Variants in COL4A3 observed in about 807,000 individuals in gnomAD.
COL4A3 encodes collagen type IV alpha 3 chain.
COL4A3 carries 135 observed loss-of-function variants against 217.4 expected under a neutral mutation model. The ratio of observed to expected loss-of-function variants is 0.62; its 90% confidence interval spans 0.54 to 0.72. COL4A3 has a LOEUF of 0.72. Ranked by LOEUF, COL4A3 falls within the 30% of genes least tolerant of loss-of-function variation. The pLI is 0.00. For synonymous variants in COL4A3, 690 were observed against 736.3 expected (o/e 0.94, Z 1.02); for missense variants, 1,868 against 2,119.9 (o/e 0.88, Z 2.33).
chr2:227,206,048 G>A (rs1371530358), intron 1 of COL4A3, among the ~76,000 whole-genome samples: 1 of 151,872 alleles, frequency 6.6e-6, no homozygotes, highest in East Asian at 1.9e-4. Context: ...GTGTAGCCTG[G>A]GCATTAGGGT....
chr2:227,257,022 T>C (rs2070223986), intron 17 of COL4A3, among the ~76,000 whole-genome samples: 1 of 152,126 alleles, frequency 6.6e-6, no homozygotes, highest in African/African-American at 2.4e-5. Context: ...AACACAAAGG[T>C]GGGTATTTGT....
chr2:227,293,969 C>T lies in COL4A3; in HGVS notation c.3338-521C>T, dbSNP rs923225711. 21 of 335,400 alleles carry T rather than the reference C, an allele frequency of 6.3e-5. 1 individual carries two copies. The highest frequency in any genetic ancestry group is 2.1e-3 in the Middle Eastern group (2 of 966). 20.8% of individuals were successfully genotyped at this position (335,400 alleles called of 1,614,324 possible). A position where few individuals can be genotyped will look rare whatever the true frequency, so the allele number is the denominator to read the frequency against. On this transcript the variant is annotated intron_variant, in intron 38 of 51. Transcript: ENST00000396578. ...TATCCCCAAATACAGAGTCATGTTC[C>T]GAAGTACTGAAGGTTAGGACTTCAG...
chr2:227,251,440 C>G, intron 11 of COL4A3, 69 bp downstream of exon 11: 1 of 1,471,258 alleles, frequency 6.8e-7, no homozygotes. Flanking sequence ...ACCTGGTCTG[C>G]TTCTTCATGT....
intron 17 of COL4A3, 131 bp from the exon 18 acceptor site, chr2:227,257,470 CTT>C: frequency 2.6e-6 from 2 of 767,046 alleles, no homozygotes; most frequent in Admixed American, 2.0e-5. Context: ...GTCAGTGTCT[CTT>C]TAACTTTAAT....
At position 227,191,170 on chromosome 2, in the gene COL4A3, G is replaced by A. The variant is rs2066226107; in HGVS notation, c.87+26357G>A. Among the ~76,000 whole-genome samples, 1 of 151,822 alleles carries A rather than the reference G, an allele frequency of 6.6e-6. No individual in the cohort carries two copies. Among genetic ancestry groups the A allele is most frequent in the Non-Finnish European group, 1.5e-5 (1 of 67,970 alleles). On this transcript the variant is annotated intron_variant, in intron 1 of 51. Transcript: ENST00000396578. This position sits in a 1 kb window ranked among gnomAD's most constrained non-coding sequence, Gnocchi z 6.8. ...TTTTCTCAACCACTTTGCTCTTTTT[G>A]GATACTTGGGGAATAACAAAATTTT...
chr2:227,180,506 G>A (rs964480710), intron 1 of COL4A3, among the ~76,000 whole-genome samples: 1 of 152,188 alleles, frequency 6.6e-6, no homozygotes, highest in Admixed American at 6.5e-5. Context: ...TACAAGGGCA[G>A]TCATGCAGGC....
chr2:227,199,646 A>T (rs1283367870), intron 1 of COL4A3, among the ~76,000 whole-genome samples: 1 of 152,166 alleles, frequency 6.6e-6, no homozygotes, highest in East Asian at 1.9e-4. Context: ...CATAACCCAC[A>T]GGCATCGGAA....
intron 1 of COL4A3, among the ~76,000 whole-genome samples, chr2:227,171,849 C>A (rs1028246013): frequency 6.6e-6 from 1 of 152,134 alleles, no homozygotes; most frequent in Admixed American, 6.5e-5. Context: ...GAGGGCCAAG[C>A]GGGCAACTTG....
intron 1 of COL4A3, among the ~76,000 whole-genome samples, chr2:227,167,684 A>G (rs983505110): frequency 4.6e-5 from 7 of 152,224 alleles, no homozygotes; most frequent in African/African-American, 7.2e-5. Flanking sequence ...AAATTTAAGC[A>G]CTTTCAGTTA....
intron 1 of COL4A3, among the ~76,000 whole-genome samples, chr2:227,178,319 G>T (rs940215368): frequency 6.6e-6 from 1 of 152,038 alleles, no homozygotes; most frequent in African/African-American, 2.4e-5. Flanking sequence ...CAGAGTGGAG[G>T]CTACAGCGAG....
intron 1 of COL4A3, among the ~76,000 whole-genome samples, chr2:227,188,152 A>G (rs1285384644): frequency 6.6e-6 from 1 of 152,186 alleles, no homozygotes; most frequent in East Asian, 1.9e-4. Context: ...GTAGAAAAGT[A>G]TGTTAAACCC....
intron 4 of COL4A3, among the ~76,000 whole-genome samples, 183 bp downstream of exon 4, chr2:227,244,547 A>G (rs565959532): frequency 6.6e-6 from 1 of 152,216 alleles, no homozygotes; most frequent in Non-Finnish European, 1.5e-5. Flanking sequence ...CAAGTGTTAA[A>G]CTGACCAAGA....
chr2:227,237,315 G>T (rs1385745974), intron 1 of COL4A3, among the ~76,000 whole-genome samples: 2 of 152,138 alleles, frequency 1.3e-5, no homozygotes, highest in Non-Finnish European at 2.9e-5. Flanking sequence ...TTAAGTCAAA[G>T]AAAACCTTAA....
intron 43 of COL4A3, 86 bp from the exon 44 acceptor site, chr2:227,302,952 A>G (rs1381901279): frequency 4.9e-6 from 4 of 813,510 alleles, no homozygotes; most frequent in Non-Finnish European, 8.7e-6. Flanking sequence ...ATAATATTAT[A>G]CCCTATTTGC....
chr2:227,262,523 G>C (rs2070650509), intron 20 of COL4A3, among the ~76,000 whole-genome samples: 1 of 152,166 alleles, frequency 6.6e-6, no homozygotes, highest in Admixed American at 6.5e-5. Flanking sequence ...CCATGAGCAT[G>C]GGATGTCTTT....
In COL4A3 at chr2:227,244,334, T is replaced by G. The variant is rs1409899436; in HGVS notation, c.249T>G (p.Leu83=). The G allele has an allele frequency of 1.2e-6, 2 of 1,613,972 alleles. No individual in the cohort carries two copies. Among genetic ancestry groups the G allele is most frequent in the South Asian group, 2.2e-5 (2 of 91,064 alleles). Residue 83 remains leucine, a synonymous_variant, in exon 4 of 52, where the codon CTT becomes CTG. Transcript: ENST00000396578. ...CTTGAATCTAGGGCTTTCCAGGACT[T>G]CCAGGACTCACGGGTTCCAAAGGTG... ...GPQGPKGFPG[L]PGLTGSKGVR...
At chr2:227,261,363 A>G (rs957469039) in intron 20 of COL4A3, among the ~76,000 whole-genome samples, 8 of 152,154 alleles carry the variant, frequency 5.3e-5, no homozygotes, top group Non-Finnish European at 7.3e-5. Flanking sequence ...CGTCTCTACT[A>G]AAAATACAAA....
chr2:227,249,220 A>ATTTTTTTTT, intron 9 of COL4A3, among the ~76,000 whole-genome samples: 2 of 24,802 alleles, frequency 8.1e-5, no homozygotes, highest in Non-Finnish European at 1.9e-4. Flanking sequence ...TAGTATATAT[A>ATTTTTTTTT]TATATATATA....
intron 43 of COL4A3, 100 bp from the exon 44 acceptor site, chr2:227,302,938 C>A: frequency 1.3e-6 from 1 of 763,338 alleles, no homozygotes; most frequent in Non-Finnish European, 2.3e-6. Flanking sequence ...TATTCTCACC[C>A]AACATAATAT....
Sources: gnomAD v4.1 joint callset for allele counts (sites outside exome capture counted in the v4.1 genomes callset) on GRCh38, gnomAD v4.1.1 for gene constraint, Gnocchi (gnomAD v3.1) non-coding constraint, MANE v1.5 for transcripts, NCBI Gene and HGNC (gene_info 2026-07-23, HGNC 2026-07-21) for gene names.